The following KAT7 variants were observed in gnomAD, a reference collection of about 807,000 sequenced individuals.
The protein encoded by KAT7 is lysine acetyltransferase 7, also known as histone acetyltransferase KAT7.
In KAT7, 10 loss-of-function variants were observed where a neutral mutation model predicts 82.1. The ratio of observed to expected loss-of-function variants is 0.12; its 90% CI spans 0.08 to 0.21. The LOEUF (loss-of-function observed/expected upper bound fraction) is 0.21, where lower values mean the gene tolerates loss of function less well. KAT7 is among the 10% of genes least tolerant of loss of function. The pLI is 1.00. For synonymous variants in KAT7, 250 were observed against 262.5 expected, an observed-to-expected ratio of 0.95 and a Z score of 0.46; for missense variants, 378 against 760.9, an observed-to-expected ratio of 0.50 and a Z score of 5.92.
intron 9 of KAT7, among the ~76,000 whole-genome samples, chr17:49,819,088 CTT>C (rs1445749093): frequency 6.6e-6 from 1 of 152,170 alleles, no homozygotes; most frequent in Non-Finnish European, 1.5e-5. Context: ...TGGGGTGTCT[CTT>C]TTTCCTTCCC....
In KAT7 at chr17:49,832,517, G is replaced by A. The variant is rs538851903; in HGVS notation, c.*5015G>A. ...AATATGCACACATTTGTCTATAGTTGAGGAAATTGTGCCGTTGAAGTCCAT... is the reference window on the plus strand; with the variant it reads ...AATATGCACACATTTGTCTATAGTTAAGGAAATTGTGCCGTTGAAGTCCAT... On this transcript the variant is annotated 3_prime_UTR_variant, in exon 15 of 15. Transcript: ENST00000259021. 8.7e-4 allele frequency: 133 copies of A among 152,280 alleles called. No homozygotes were observed. The highest frequency in any genetic ancestry group is 3.0e-3 in the African/African-American group (126 of 41,562). 9.4% of individuals were successfully genotyped at this position (152,280 alleles called of 1,614,324 possible).
At chr17:49,820,071 A>G (rs1168902469) in intron 9 of KAT7, among the ~76,000 whole-genome samples, 1 of 152,174 alleles carries the variant, frequency 6.6e-6, no homozygotes, top group Non-Finnish European at 1.5e-5. Flanking sequence ...CCTGGGCAAA[A>G]TAGTGAGACT....
chr17:49,815,947 TG>T, intron 8 of KAT7, 34 bp downstream of exon 8: 1 of 1,272,870 alleles, frequency 7.9e-7, no homozygotes, highest in Non-Finnish European at 1.1e-6. Context: ...GAAGGCCGCT[TG>T]TGAAAGGTGC....
chr17:49,819,830 A>G (rs1418515977), intron 9 of KAT7, among the ~76,000 whole-genome samples: 2 of 152,256 alleles, frequency 1.3e-5, no homozygotes, highest in African/African-American at 4.8e-5. Context: ...AAAGGGGTAG[A>G]GATAGGAACA....
At position 49,814,484 on chromosome 17, in the gene KAT7, T is replaced by C. The variant is rs1337091589; in HGVS notation, c.853-1319T>C. Among the ~76,000 whole-genome samples the C allele has an allele frequency of 3.9e-5, 6 of 152,218 alleles. No homozygotes were observed. The East Asian group carries it at 1.2e-3, about 29-fold the overall frequency. ...CACTGTGATTGTGACGTTCCTTTGA[T>C]CTTTTAACAGTCCAGTATGATTGGT... On this transcript the variant is annotated intron_variant, in intron 7 of 14. Transcript: ENST00000259021.
intron 8 of KAT7, among the ~76,000 whole-genome samples, chr17:49,817,440 G>A (rs973148348): frequency 4.6e-5 from 7 of 152,150 alleles, no homozygotes; most frequent in Admixed American, 3.3e-4. Flanking sequence ...ATAGCCTAGC[G>A]TGGTGGCATG....
intron 9 of KAT7, among the ~76,000 whole-genome samples, chr17:49,820,134 C>T (rs896815196): frequency 1.2e-4 from 19 of 152,140 alleles, no homozygotes; most frequent in African/African-American, 4.3e-4. Flanking sequence ...TGGCGCCATG[C>T]GCCTATAATC....
At chr17:49,801,905 C>G (rs919309440) in intron 4 of KAT7, among the ~76,000 whole-genome samples, 1 of 152,164 alleles carries the variant, frequency 6.6e-6, no homozygotes, top group Non-Finnish European at 1.5e-5. Context: ...AACTCATACC[C>G]GCAGAACTGT....
At chr17:49,823,043 A>G (rs2074325457) in intron 11 of KAT7, among the ~76,000 whole-genome samples, 159 bp from the exon 12 acceptor site, 1 of 152,194 alleles carries the variant, frequency 6.6e-6, no homozygotes, top group South Asian at 2.1e-4. Flanking sequence ...TTTGGCCATG[A>G]TAAAGGGTGT....
At chr17:49,816,467 T>C (rs1283167323) in intron 8 of KAT7, among the ~76,000 whole-genome samples, 1 of 152,228 alleles carries the variant, frequency 6.6e-6, no homozygotes, top group Non-Finnish European at 1.5e-5. Context: ...AGGCAGAATT[T>C]TTAACAACTT....
At chr17:49,806,510 A>T (rs777224810) in intron 5 of KAT7, among the ~76,000 whole-genome samples, 2 of 152,192 alleles carry the variant, frequency 1.3e-5, no homozygotes, top group Admixed American at 6.5e-5. Context: ...TCTGGGACTA[A>T]ATCAAAACAG....
rs1170071576 is a variant in KAT7, at chr17:49,833,444, C to T, written c.*5942C>T. On this transcript the variant is annotated 3_prime_UTR_variant, in exon 15 of 15. Coordinates refer to ENST00000259021, the MANE Select transcript of KAT7 (RefSeq NM_007067.5). ...GATGGCCACCAACAGTTGCTCTCATCCTCTGTGCACGTGCTATTTCCAATA... is the reference window on the plus strand; with the variant it reads ...GATGGCCACCAACAGTTGCTCTCATTCTCTGTGCACGTGCTATTTCCAATA... 3 of 152,192 alleles carry T rather than the reference C, an allele frequency of 2.0e-5. No individual in the cohort carries two copies. The highest frequency in any genetic ancestry group is 4.8e-5 in the African/African-American group (2 of 41,444). 9.4% of individuals were successfully genotyped at this position (152,192 alleles called of 1,614,324 possible).
intron 3 of KAT7, among the ~76,000 whole-genome samples, chr17:49,797,262 AC>A (rs2073969056): frequency 6.6e-6 from 1 of 151,920 alleles, no homozygotes; most frequent in Non-Finnish European, 1.5e-5. Context: ...ACGGGGTTTC[AC>A]TGTGTTAGTC....
chr17:49,796,993 C>T (rs2073964774), intron 3 of KAT7, 67 bp downstream of exon 3: 2 of 1,316,380 alleles, frequency 1.5e-6, no homozygotes, highest in Admixed American at 1.7e-5. Context: ...TTAAGGAGGG[C>T]TTGGGGCCAC....
chr17:49,795,733 GT>G, intron 2 of KAT7: 1 of 226,530 alleles, frequency 4.4e-6, no homozygotes. Flanking sequence ...TTTTCCTTTG[GT>G]TTTTACTTTT....
intron 8 of KAT7, among the ~76,000 whole-genome samples, chr17:49,816,668 T>C (rs2074238953): frequency 1.3e-5 from 2 of 152,206 alleles, no homozygotes; most frequent in African/African-American, 4.8e-5. Context: ...TTGGCTGGGA[T>C]GGGCTGTTAC....
Position 49,805,422 on chromosome 17 carries a change from A to G in KAT7, c.640A>G (p.Asn214Asp). The G allele has an allele frequency of 6.2e-7, 1 of 1,612,318 alleles. No individual in the cohort carries two copies. Among genetic ancestry groups the G allele is most frequent in the Non-Finnish European group, 8.5e-7 (1 of 1,178,380 alleles). The change falls in exon 5 of 15, where the codon AAC becomes GAC. Residue 214 changes from asparagine to aspartate, a missense_variant. Asn to Asp is a conservative substitution (Grantham distance 23). This residue lies in a region of KAT7 where 14 missense variants were observed against 58.2 expected (regional missense o/e 0.24). Coordinates refer to ENST00000259021, the MANE Select transcript of KAT7 (RefSeq NM_007067.5). Reference sequence around the variant, plus strand: ...CATCTCAGGATGCCCACTGTATCATAACCTCTCAGCTGACGAATGCAAGGT... The same window carrying G: ...CATCTCAGGATGCCCACTGTATCATGACCTCTCAGCTGACGAATGCAAGGT... The part of the protein sequence containing the change: ...FSISGCPLYH[N>D]LSADECKVRA...
intron 5 of KAT7, among the ~76,000 whole-genome samples, chr17:49,807,082 T>C (rs778161821): frequency 6.6e-6 from 1 of 152,350 alleles, no homozygotes; most frequent in Non-Finnish European, 1.5e-5. Context: ...TATTCAGTCA[T>C]ATATTTCTGT....
intron 4 of KAT7, among the ~76,000 whole-genome samples, chr17:49,805,143 AT>A (rs1197134029): frequency 6.6e-6 from 1 of 152,236 alleles, no homozygotes; most frequent in Non-Finnish European, 1.5e-5. Context: ...GTTTATATTG[AT>A]CATACATAAG....
Sources: gnomAD v4.1 joint callset for allele counts (sites outside exome capture counted in the v4.1 genomes callset) on GRCh38, gnomAD v4.1.1 for gene constraint, gnomAD v4.1.1 regional missense constraint, MANE v1.5 for transcripts, NCBI Gene and HGNC (gene_info 2026-07-23, HGNC 2026-07-21) for gene names.